The following CNTN5 variants were observed in gnomAD, a reference collection of about 807,000 sequenced individuals.
CNTN5 encodes contactin 5, also known as contactin-5.
Under a neutral mutation model 129.1 loss-of-function variants are expected in CNTN5, and 77 were observed. That is an observed-to-expected ratio of 0.60 (90% CI 0.50 to 0.72). CNTN5 has a LOEUF of 0.72. Among genes scored for constraint, CNTN5 ranks in the 30% least tolerant of loss-of-function variants. CNTN5 has a pLI of 0.00. For missense variants in CNTN5, 1,478 were observed against 1,328.8 expected (o/e 1.11, Z -1.75); for synonymous variants, 509 against 465.6 (o/e 1.09, Z -1.20).
In CNTN5 at chr11:100,246,423, AAT is replaced by A. The variant is rs368190739; in HGVS notation, c.2006-9333_2006-9332del. ...TTTTCTTTAGATCATTTTTTCTTGA[AAT>A]ATAGAGTACATAAACATTTTCTAGG... On this transcript the variant is annotated intron_variant, in intron 16 of 24. Coordinates refer to ENST00000524871, the MANE Select transcript of CNTN5 (RefSeq NM_014361.4). Among the ~76,000 whole-genome samples the A allele has an allele frequency of 5.4e-3, 817 of 152,224 alleles. 5 individuals are homozygous for A. The highest frequency in any genetic ancestry group is 0.019 in the African/African-American group (780 of 41,562).
chr11:100,122,252 C>A (rs1371466825), intron 13 of CNTN5, among the ~76,000 whole-genome samples: 2 of 151,820 alleles, frequency 1.3e-5, no homozygotes, highest in Non-Finnish European at 2.9e-5. Context: ...GTCTTGGAGT[C>A]CCAAGGTCAA....
chr11:99,961,018 C>G (rs1417426663), intron 8 of CNTN5, among the ~76,000 whole-genome samples: 1 of 151,872 alleles, frequency 6.6e-6, no homozygotes, highest in Non-Finnish European at 1.5e-5. Context: ...ACCCAACCAA[C>G]ATGGAGAAAA....
intron 1 of CNTN5, among the ~76,000 whole-genome samples, chr11:99,286,581 A>G (rs1440667137): frequency 6.6e-6 from 1 of 152,180 alleles, no homozygotes; most frequent in African/African-American, 2.4e-5. Flanking sequence ...ATAGGCCATC[A>G]ATGATGTCTA....
At chr11:99,520,046 A>C (rs1947215360) in intron 2 of CNTN5, among the ~76,000 whole-genome samples, 1 of 152,048 alleles carries the variant, frequency 6.6e-6, no homozygotes, top group African/African-American at 2.4e-5. Flanking sequence ...AGAATATTTA[A>C]ATGTTTTTAT....
chr11:99,678,692 T>C (rs1282971998), intron 3 of CNTN5, among the ~76,000 whole-genome samples: 2 of 151,504 alleles, frequency 1.3e-5, no homozygotes, highest in African/African-American at 4.9e-5. Context: ...AAGTTTAGAG[T>C]ATAGAGAAAG....
At chr11:99,938,826 A>T (rs1950371881) in intron 7 of CNTN5, among the ~76,000 whole-genome samples, 1 of 152,144 alleles carries the variant, frequency 6.6e-6, no homozygotes, top group Admixed American at 6.6e-5. Context: ...ACTGAGGAAC[A>T]TTTAGTAAAT....
chr11:100,068,573 T>C (rs546099409), intron 10 of CNTN5, among the ~76,000 whole-genome samples: 92 of 152,286 alleles, frequency 6.0e-4, no homozygotes, highest in Admixed American at 8.5e-4. Flanking sequence ...AAAAGCCAGA[T>C]GTAAAAGTAG....
At chr11:99,250,252 G>A (rs183609059) in intron 1 of CNTN5, among the ~76,000 whole-genome samples, 12 of 152,072 alleles carry the variant, frequency 7.9e-5, no homozygotes, top group Non-Finnish European at 1.6e-4. Flanking sequence ...TGCATGACAA[G>A]CCTATTGCAC....
chr11:100,154,441 G>T (rs924962290), intron 13 of CNTN5, among the ~76,000 whole-genome samples: 1 of 152,086 alleles, frequency 6.6e-6, no homozygotes, highest in Admixed American at 6.6e-5. Flanking sequence ...ATTTGGGTTG[G>T]TTCCAAGTCT....
intron 1 of CNTN5, among the ~76,000 whole-genome samples, chr11:99,024,044 G>A (rs1035247833): frequency 6.6e-6 from 1 of 152,096 alleles, no homozygotes; most frequent in Admixed American, 6.6e-5. Flanking sequence ...AGCTCAAAGC[G>A]GTAGAATCAC....
chr11:100,113,077 A>T (rs1165034555), intron 13 of CNTN5, among the ~76,000 whole-genome samples: 3 of 152,152 alleles, frequency 2.0e-5, no homozygotes, highest in Non-Finnish European at 2.9e-5. Context: ...TGAGTCTTTC[A>T]TTATGGAAGT....
intron 4 of CNTN5, among the ~76,000 whole-genome samples, chr11:99,837,937 T>C (rs1947358486): frequency 6.6e-6 from 1 of 152,086 alleles, no homozygotes; most frequent in African/African-American, 2.4e-5. Context: ...TTAGAGGGAC[T>C]TAGGGTATCC....
intron 3 of CNTN5, among the ~76,000 whole-genome samples, chr11:99,686,707 A>G (rs1953809679): frequency 6.6e-6 from 1 of 152,032 alleles, no homozygotes; most frequent in African/African-American, 2.4e-5. Context: ...GTGTCAACAG[A>G]CCTAAAAGCA....
At chr11:99,308,487 A>C (rs2135962548) in intron 1 of CNTN5, among the ~76,000 whole-genome samples, 1 of 152,298 alleles carries the variant, frequency 6.6e-6, no homozygotes, top group African/African-American at 2.4e-5. Flanking sequence ...GGACTCACAT[A>C]AGTTTGAGAA....
intron 6 of CNTN5, among the ~76,000 whole-genome samples, chr11:99,890,929 T>C (rs186125338): frequency 6.6e-6 from 1 of 152,258 alleles, no homozygotes; most frequent in East Asian, 1.9e-4. Context: ...AGTAAGATAA[T>C]GGGGGAAAAA....
chr11:100,007,586 A>C (rs1940275016), intron 9 of CNTN5, among the ~76,000 whole-genome samples: 1 of 152,064 alleles, frequency 6.6e-6, no homozygotes, highest in Admixed American at 6.6e-5. Context: ...TTTCTCTTGC[A>C]GCTTCCTCAC....
At chr11:99,271,013 T>G (rs1863143363) in intron 1 of CNTN5, among the ~76,000 whole-genome samples, 1 of 151,970 alleles carries the variant, frequency 6.6e-6, no homozygotes, top group Non-Finnish European at 1.5e-5. Context: ...ACATTACACC[T>G]TCAGAGTGTA....
chr11:99,569,739 A>AT (rs1313886035), intron 3 of CNTN5, among the ~76,000 whole-genome samples: 6 of 152,062 alleles, frequency 3.9e-5, no homozygotes, highest in Admixed American at 2.6e-4. Flanking sequence ...ATTTACTTTA[A>AT]TTTTTTTCTT....
chr11:99,620,775 C>T (rs1950922561), intron 3 of CNTN5, among the ~76,000 whole-genome samples: 1 of 151,906 alleles, frequency 6.6e-6, no homozygotes, highest in Non-Finnish European at 1.5e-5. Flanking sequence ...AAATAGGGGA[C>T]TCTCAAAAAT....
Sources: allele counts gnomAD v4.1 joint callset (sites outside exome capture counted in the v4.1 genomes callset), GRCh38; gene constraint gnomAD v4.1.1; transcripts MANE v1.5; gene names NCBI Gene and HGNC (gene_info 2026-07-23, HGNC 2026-07-21).